Variants in SND1 observed in about 807,000 individuals in gnomAD.
SND1 encodes the protein staphylococcal nuclease and tudor domain containing 1.
In SND1, 38 loss-of-function variants were observed where a neutral mutation model predicts 121.7. That is an observed-to-expected ratio of 0.31 (90% CI 0.24 to 0.41). The LOEUF (loss-of-function observed/expected upper bound fraction) is 0.41. SND1 is among the 10% of genes least tolerant of loss of function. The pLI, the probability that SND1 is intolerant of heterozygous loss-of-function variation, is 1.00. For synonymous variants in SND1, 401 were observed against 447.4 expected (o/e 0.90, Z 1.31); for missense variants, 868 against 1,184.6 (o/e 0.73, Z 3.92).
intron 10 of SND1, among the ~76,000 whole-genome samples, chr7:127,799,328 G>A (rs1333257062): frequency 6.6e-6 from 1 of 152,180 alleles, no homozygotes; most frequent in East Asian, 1.9e-4. Context: ...TAAACTGTAA[G>A]CCTCAGTTGC....
intron 16 of SND1, among the ~76,000 whole-genome samples, chr7:128,035,639 A>G (rs1440863919): frequency 6.6e-6 from 1 of 152,210 alleles, no homozygotes; most frequent in East Asian, 1.9e-4. Context: ...TTGGCATTTA[A>G]ACCTGGGCCT....
chr7:127,675,400 T>C (rs757164480), intron 1 of SND1, among the ~76,000 whole-genome samples: 25 of 152,232 alleles, frequency 1.6e-4, no homozygotes, highest in Non-Finnish European at 3.1e-4. Flanking sequence ...TGTATACGTT[T>C]AGATGCATGC....
chr7:127,898,246 T>C (rs1188329755), intron 13 of SND1, among the ~76,000 whole-genome samples: 3 of 152,252 alleles, frequency 2.0e-5, no homozygotes, highest in Non-Finnish European at 4.4e-5. Flanking sequence ...TGTTATTTGC[T>C]TCACTGCCTC....
Position 128,029,304 on chromosome 7 carries a change from A to C in SND1, c.1779+38248A>C. 1 of 1,614,132 alleles carries C rather than the reference A, an allele frequency of 6.2e-7. No homozygotes were observed. Among genetic ancestry groups the C allele is most frequent in the Non-Finnish European group, 8.5e-7 (1 of 1,180,022 alleles). ...GAAGAAGCTGTAGTTGGAGGTGTTA[A>C]GCTCAGCCGTGCTCACATTGAGGTA... On this transcript the variant is annotated intron_variant, in intron 16 of 23. Transcript: ENST00000354725. This position sits in a 1 kb window ranked among gnomAD's most constrained non-coding sequence, Gnocchi z 4.2.
intron 10 of SND1, among the ~76,000 whole-genome samples, chr7:127,721,608 C>T (rs1056136349): frequency 2.6e-5 from 4 of 152,160 alleles, no homozygotes; most frequent in Non-Finnish European, 4.4e-5. Flanking sequence ...CACTGCTCTG[C>T]CGAATTTCAC....
At chr7:128,058,994 C>T (rs1317352344) in intron 16 of SND1, among the ~76,000 whole-genome samples, 5 of 152,108 alleles carry the variant, frequency 3.3e-5, no homozygotes, top group Non-Finnish European at 4.4e-5. Flanking sequence ...CTGTTCTCCC[C>T]GTCATCCCGT....
chr7:128,021,885 A>G (rs937013940), intron 16 of SND1, among the ~76,000 whole-genome samples: 2 of 152,058 alleles, frequency 1.3e-5, no homozygotes, highest in African/African-American at 4.8e-5. Context: ...ATTGAAGGGT[A>G]TTTTTTTATT....
Position 127,698,937 on chromosome 7 carries a change from G to C in SND1, c.412G>C (p.Gly138Arg). The C allele has an allele frequency of 6.2e-7, 1 of 1,613,422 alleles. No homozygotes were observed. Among genetic ancestry groups the C allele is most frequent in the South Asian group, 1.1e-5 (1 of 91,066 alleles). Residue 138 changes from glycine (G) to arginine (R), a missense_variant, in exon 4 of 24, where the codon GGC becomes CGC. Physicochemically the swap from Gly to Arg is moderately radical, Grantham distance 125 (BLOSUM62 -2). Around this residue, in one of 2 missense-constraint regions of SND1, gnomAD observed 743 missense variants for 1,071.3 expected, o/e 0.69. Coordinates refer to ENST00000354725, the MANE Select transcript of SND1 (RefSeq NM_014390.4). ...VAEGLATRRE[G>R]MRANNPEQNR... The stretch of plus-strand genomic sequence containing the variant: ...AGAGGGCTTAGCCACCCGGAGAGAA[G>C]GCATGAGAGCTAATAAGTAAGTATT...
At chr7:127,931,253 C>T (rs779779160) in intron 15 of SND1, among the ~76,000 whole-genome samples, 30 of 152,164 alleles carry the variant, frequency 2.0e-4, no homozygotes, top group Non-Finnish European at 3.8e-4. Context: ...GAAATTGAAG[C>T]AGCCTTATTG....
intron 10 of SND1, among the ~76,000 whole-genome samples, chr7:127,771,924 TTTAA>T (rs1797518978): frequency 2.0e-5 from 3 of 152,166 alleles, no homozygotes; most frequent in Admixed American, 6.5e-5. Flanking sequence ...GGGCCATCTA[TTTAA>T]AAAGATGTGT....
chr7:127,858,531 A>C (rs546471226), intron 12 of SND1: 1 of 470,912 alleles, frequency 2.1e-6, no homozygotes. Flanking sequence ...TATGCAGTGC[A>C]GATCTAAAGC....
chr7:127,992,055 G>A (rs1423929456), intron 16 of SND1, among the ~76,000 whole-genome samples: 3 of 152,058 alleles, frequency 2.0e-5, no homozygotes, highest in Non-Finnish European at 4.4e-5. Flanking sequence ...AAGTGGAGTG[G>A]CCTAACAAAT....
chr7:128,030,761 G>C (rs549286961), intron 16 of SND1: 2 of 1,286,968 alleles, frequency 1.6e-6, no homozygotes, highest in East Asian at 2.5e-5. Flanking sequence ...AGGTGGGGAG[G>C]GGGCGATTAG....
Position 127,713,240 on chromosome 7 carries a change from G to T in SND1, c.1038+5593G>T, listed in dbSNP as rs561564575. Among the ~76,000 whole-genome samples the T allele has an allele frequency of 2.0e-5, 3 of 152,372 alleles. No individual in the cohort carries two copies. The East Asian group carries it at 5.8e-4, about 29-fold the overall frequency. Reference sequence around the variant, plus strand: ...TTCCAGGAAAACTTTATAACAATATGAAGTGGGCTGGATGGCCCTTGGGCC... The same window carrying T: ...TTCCAGGAAAACTTTATAACAATATTAAGTGGGCTGGATGGCCCTTGGGCC... On this transcript the variant is annotated intron_variant, in intron 9 of 23. Coordinates refer to ENST00000354725, the MANE Select transcript of SND1 (RefSeq NM_014390.4).
chr7:127,796,810 T>G (rs1276840910), intron 10 of SND1, among the ~76,000 whole-genome samples: 1 of 152,150 alleles, frequency 6.6e-6, no homozygotes, highest in Non-Finnish European at 1.5e-5. Context: ...CATTTCTGAT[T>G]TTTACAGTTT....
At chr7:127,771,537 C>G (rs944829452) in intron 10 of SND1, among the ~76,000 whole-genome samples, 16 of 152,252 alleles carry the variant, frequency 1.1e-4, no homozygotes, top group Non-Finnish European at 2.1e-4. Flanking sequence ...GATTTTCCAT[C>G]TGTGGTAGAT....
At chr7:128,047,552 G>T (rs1387718161) in intron 16 of SND1, among the ~76,000 whole-genome samples, 1 of 152,168 alleles carries the variant, frequency 6.6e-6, no homozygotes, top group African/African-American at 2.4e-5. Flanking sequence ...TAAACACATA[G>T]AATACAGAAC....
At chr7:127,821,038 G>C (rs542278881) in intron 11 of SND1, among the ~76,000 whole-genome samples, 16 of 152,240 alleles carry the variant, frequency 1.1e-4, no homozygotes, top group African/African-American at 3.9e-4. Context: ...TGTTGGCCTT[G>C]GATCCTCCCG....
chr7:127,785,092 A>G (rs1338649912), intron 10 of SND1, among the ~76,000 whole-genome samples: 1 of 152,136 alleles, frequency 6.6e-6, no homozygotes, highest in Non-Finnish European at 1.5e-5. Context: ...CTTTTCTGGT[A>G]GAGATGATAT....
Sources: allele counts gnomAD v4.1 joint callset (sites outside exome capture counted in the v4.1 genomes callset), GRCh38; gene constraint gnomAD v4.1.1; regional missense constraint gnomAD v4.1.1; non-coding constraint Gnocchi (gnomAD v3.1); transcripts MANE v1.5; gene names NCBI Gene and HGNC (gene_info 2026-07-23, HGNC 2026-07-21).